Variants in ADGRB3 observed in about 807,000 individuals in gnomAD.
ADGRB3 encodes the protein brain-specific angiogenesis inhibitor 3.
In ADGRB3, 37 loss-of-function variants were observed where a neutral mutation model predicts 193.4. The observed-to-expected ratio is 0.19, with a 90% CI of 0.15 to 0.25. The LOEUF (loss-of-function observed/expected upper bound fraction) is 0.25. ADGRB3 is among the 10% of genes least tolerant of loss of function. ADGRB3 has a pLI of 1.00. For synonymous variants in ADGRB3, 690 were observed against 644.2 expected (o/e 1.07, Z -1.08); for missense variants, 1,637 against 1,852.9 (o/e 0.88, Z 2.14).
At chr6:69,058,611 C>T (rs1263757272) in intron 15 of ADGRB3, among the ~76,000 whole-genome samples, 2 of 151,872 alleles carry the variant, frequency 1.3e-5, no homozygotes, top group Non-Finnish European at 2.9e-5. Flanking sequence ...TACCTTTTTG[C>T]TGCCTCACAT....
intron 3 of ADGRB3, among the ~76,000 whole-genome samples, chr6:68,740,979 G>A (rs947910840): frequency 2.6e-5 from 4 of 152,096 alleles, no homozygotes; most frequent in African/African-American, 9.7e-5. Flanking sequence ...AGTGATATAT[G>A]TTTTGGTTTT....
chr6:68,852,091 A>G (rs965572069), intron 3 of ADGRB3, among the ~76,000 whole-genome samples: 2 of 151,916 alleles, frequency 1.3e-5, no homozygotes, highest in African/African-American at 2.4e-5. Flanking sequence ...AGTTGTTACT[A>G]TGCTTCCTCC....
chr6:68,720,972 C>T (rs575661977), intron 3 of ADGRB3, among the ~76,000 whole-genome samples: 10 of 151,698 alleles, frequency 6.6e-5, no homozygotes, highest in Admixed American at 2.0e-4. Flanking sequence ...TCAAAATGGG[C>T]GAGATATACA....
chr6:68,982,919 T>A (rs1202784314), intron 10 of ADGRB3, among the ~76,000 whole-genome samples: 2 of 151,926 alleles, frequency 1.3e-5, no homozygotes, highest in Non-Finnish European at 2.9e-5. Flanking sequence ...AGAAATGAAT[T>A]AAATATTTGG....
chr6:69,025,103 A>T (rs4706818), intron 13 of ADGRB3, among the ~76,000 whole-genome samples: 68,697 of 150,676 alleles, frequency 0.46, 16,514 homozygotes, highest in African/African-American at 0.49. Context: ...AAAAAAAAAA[A>T]AAAAAATAAA....
At chr6:68,807,201 G>T (rs1438098500) in intron 3 of ADGRB3, among the ~76,000 whole-genome samples, 3 of 150,038 alleles carry the variant, frequency 2.0e-5, no homozygotes, top group Admixed American at 1.3e-4. Context: ...ACATTAAAAT[G>T]GATGTTAATT....
At chr6:69,109,502 A>G (rs1458835897) in intron 17 of ADGRB3, among the ~76,000 whole-genome samples, 2 of 152,228 alleles carry the variant, frequency 1.3e-5, no homozygotes, top group Non-Finnish European at 2.9e-5. Context: ...ACTAGAAAAC[A>G]TGCCTTCAAC....
At position 69,239,184 on chromosome 6, in the gene ADGRB3, C is replaced by T. The variant is rs1414268566; in HGVS notation, c.2772C>T (p.Ser924=). 1 of 1,599,710 alleles carries T rather than the reference C, an allele frequency of 6.3e-7. No homozygotes were observed. Residue 924 remains serine, a synonymous_variant, in exon 20 of 32, where the codon TCC becomes TCT. Coordinates refer to ENST00000370598, the MANE Select transcript of ADGRB3 (RefSeq NM_001704.3). ...LINFCLSIIS[S]NILILVGQTQ... is the part of the protein sequence containing the mutation. ...ACTTCTGCCTGTCTATCATCTCATC[C>T]AATATCCTCATACTGGTTGGACAGA...
chr6:69,144,994 C>T (rs965295220), intron 17 of ADGRB3, among the ~76,000 whole-genome samples: 1 of 151,626 alleles, frequency 6.6e-6, no homozygotes, highest in African/African-American at 2.4e-5. Context: ...TGGAATTACC[C>T]TCACATCCTA....
chr6:68,772,887 AAAAAAAAATATATATAT>A lies in ADGRB3; in HGVS notation c.757+133457_757+133473del, dbSNP rs1369158189. ...CAAACAAACAAACAAACAAACAAAA[AAAAAAAAATATATATAT>A]ATATATATATATATATATATATATA... On this transcript the variant is annotated intron_variant, in intron 3 of 31. Coordinates refer to ENST00000370598, the MANE Select transcript of ADGRB3 (RefSeq NM_001704.3). Among the ~76,000 whole-genome samples the A allele has an allele frequency of 2.3e-3, 109 of 48,282 alleles. 2 individuals are homozygous for A. The highest frequency in any genetic ancestry group is 0.012 in the South Asian group (20 of 1,702). The allele number at this position is 48,282 out of a possible 152,430, so 31.7% of individuals were successfully genotyped here.
chr6:69,210,148 T>TTATATATATATATA (rs1561953521), intron 17 of ADGRB3, among the ~76,000 whole-genome samples: 1 of 39,076 alleles, frequency 2.6e-5, no homozygotes, highest in African/African-American at 2.7e-4. Flanking sequence ...TTAATATATA[T>TTATATATATATATA]CATATATATA....
chr6:68,649,876 C>T (rs572359884), intron 3 of ADGRB3, among the ~76,000 whole-genome samples: 2 of 152,266 alleles, frequency 1.3e-5, no homozygotes, highest in South Asian at 4.2e-4. Context: ...CAGGTGACCT[C>T]CCTCTTTGAT....
chr6:68,926,563 G>C (rs1767186442), intron 3 of ADGRB3, among the ~76,000 whole-genome samples: 1 of 152,140 alleles, frequency 6.6e-6, no homozygotes, highest in Non-Finnish European at 1.5e-5. Context: ...AAAGTTTATT[G>C]AGAAGCAATA....
intron 20 of ADGRB3, among the ~76,000 whole-genome samples, chr6:69,321,124 A>G (rs1768447860): frequency 6.6e-6 from 1 of 151,688 alleles, no homozygotes; most frequent in Non-Finnish European, 1.5e-5. Flanking sequence ...GGAATTTCTC[A>G]CAGTCTCTAG....
chr6:68,811,604 A>G (rs1158351928), intron 3 of ADGRB3, among the ~76,000 whole-genome samples: 2 of 151,918 alleles, frequency 1.3e-5, no homozygotes, highest in African/African-American at 2.4e-5. Flanking sequence ...AAGTAGCTGG[A>G]ATTACAGGCA....
intron 17 of ADGRB3, among the ~76,000 whole-genome samples, chr6:69,159,156 C>G (rs778663278): frequency 1.3e-5 from 2 of 151,988 alleles, no homozygotes; most frequent in African/African-American, 2.4e-5. Flanking sequence ...CCTCAGCTCC[C>G]TCTAATATAT....
At chr6:69,109,253 G>T (rs1356493904) in intron 17 of ADGRB3, among the ~76,000 whole-genome samples, 1 of 152,160 alleles carries the variant, frequency 6.6e-6, no homozygotes, top group East Asian at 1.9e-4. Context: ...TGACAAAGGA[G>T]AAGTGTCTTT....
chr6:68,681,173 T>C (rs989844184), intron 3 of ADGRB3, among the ~76,000 whole-genome samples: 2 of 152,192 alleles, frequency 1.3e-5, no homozygotes, highest in Non-Finnish European at 2.9e-5. Context: ...GCACTCATTA[T>C]GGTGGAGAGG....
chr6:68,768,149 C>G (rs972221308), intron 3 of ADGRB3, among the ~76,000 whole-genome samples: 1 of 152,166 alleles, frequency 6.6e-6, no homozygotes, highest in African/African-American at 2.4e-5. Flanking sequence ...ATATCCCCAT[C>G]AAGCTACCAC....
Sources: gnomAD v4.1 joint callset for allele counts (sites outside exome capture counted in the v4.1 genomes callset) on GRCh38, gnomAD v4.1.1 for gene constraint, MANE v1.5 for transcripts, NCBI Gene and HGNC (gene_info 2026-07-23, HGNC 2026-07-21) for gene names.